MYT1: variants seen among roughly 807,000 people sequenced by gnomAD.
MYT1 encodes myelin transcription factor I.
A neutral mutation model predicts 123.0 loss-of-function variants in MYT1; 23 were observed. The observed-to-expected ratio is 0.19, with a 90% CI of 0.13 to 0.26. The LOEUF (loss-of-function observed/expected upper bound fraction) is 0.26. Among genes scored for constraint, MYT1 ranks in the 10% least tolerant of loss-of-function variants. MYT1 has a pLI of 1.00. For missense variants in MYT1, 1,125 were observed against 1,472.5 expected (o/e 0.76, Z 3.86); for synonymous variants, 518 against 575.3 (o/e 0.90, Z 1.43).
chr20:64,216,653 T>C (rs1983847355), intron 10 of MYT1, among the ~76,000 whole-genome samples: 1 of 152,220 alleles, frequency 6.6e-6, no homozygotes, highest in Non-Finnish European at 1.5e-5. Flanking sequence ...TAGGTTATGC[T>C]GCCTTGGAGT....
rs185945949 is a variant in MYT1 at position 64,193,000 on chromosome 20, T to A, written c.-1+2840T>A. 1.6e-3 allele frequency among the ~76,000 whole-genome samples: 245 copies of A among 152,316 alleles called. 1 individual carries two copies. The highest frequency in any genetic ancestry group is 5.8e-3 in the African/African-American group (242 of 41,572). On this transcript the variant is annotated intron_variant, in intron 2 of 22. Transcript: ENST00000328439. This position sits in a 1 kb window ranked among gnomAD's most constrained non-coding sequence, Gnocchi z 5.3. ...GGGAATGAAGTGAGCCAGTATCCCA[T>A]GCTTAGAGCTGTCAAGAGAACCCCT...
chr20:64,225,685 AG>A (rs1984150341), intron 16 of MYT1, among the ~76,000 whole-genome samples: 1 of 152,024 alleles, frequency 6.6e-6, no homozygotes, highest in Non-Finnish European at 1.5e-5. Context: ...AGGTGGTGGG[AG>A]GGGTGGATGT....
intron 1 of MYT1, among the ~76,000 whole-genome samples, chr20:64,177,774 G>C (rs562685144): frequency 6.6e-6 from 1 of 152,188 alleles, no homozygotes; most frequent in Non-Finnish European, 1.5e-5. Flanking sequence ...AGGGAGTCCT[G>C]TTCCACCTTC....
rs1982102810 is a variant in MYT1, at chr20:64,167,047, T to C, written c.-99+2308T>C. ...AATGTGCAGACAATGACATTTGTGG[T>C]GGTGTGGTGGGTAGAGGAGACCCAC... On this transcript the variant is annotated intron_variant, in intron 1 of 22. Transcript: ENST00000328439. The surrounding 1 kb of genome is among the most constrained non-coding windows in gnomAD (Gnocchi z 6.3). Among the ~76,000 whole-genome samples the C allele has an allele frequency of 6.6e-6, 1 of 152,042 alleles. No homozygotes were observed. Among genetic ancestry groups the C allele is most frequent in the Non-Finnish European group, 1.5e-5 (1 of 67,976 alleles).
At chr20:64,199,554 A>G (rs542917872) in intron 3 of MYT1, among the ~76,000 whole-genome samples, 16 of 152,296 alleles carry the variant, frequency 1.1e-4, no homozygotes, top group Admixed American at 1.0e-3. Context: ...TCTATCTGCA[A>G]TTAGAGAAAG....
chr20:64,239,075 C>G (rs1984636430), intron 21 of MYT1, among the ~76,000 whole-genome samples: 1 of 152,254 alleles, frequency 6.6e-6, no homozygotes, highest in African/African-American at 2.4e-5. Flanking sequence ...AGTTTAGCCT[C>G]TGCCCCCGTG....
In MYT1 at chr20:64,240,658, T is replaced by C. The variant is rs1270402574; in HGVS notation, c.*210T>C. The C allele has an allele frequency of 1.3e-5, 7 of 540,828 alleles. No individual in the cohort carries two copies. The highest frequency in any genetic ancestry group is 7.3e-5 in the Admixed American group (2 of 27,556). 33.5% of individuals were successfully genotyped at this position (540,828 alleles called of 1,614,324 possible). A position where few individuals can be genotyped will look rare whatever the true frequency, so the allele number is the denominator to read the frequency against. On this transcript the variant is annotated 3_prime_UTR_variant, in exon 23 of 23. Coordinates refer to ENST00000328439, the MANE Select transcript of MYT1 (RefSeq NM_004535.3). ...GCCGTGGTGGCCCTATCTGTGTGCA[T>C]AGGGGCACTGAAGAATTACAAAGTG... is the stretch of plus-strand genomic sequence containing the variant.
intron 18 of MYT1, among the ~76,000 whole-genome samples, chr20:64,228,656 C>T (rs1192778361): frequency 6.6e-6 from 1 of 152,164 alleles, no homozygotes; most frequent in Non-Finnish European, 1.5e-5. Flanking sequence ...TGTGTCCTTA[C>T]AAGCTTATTC....
chr20:64,230,587 C>T (rs1377322805), intron 18 of MYT1, among the ~76,000 whole-genome samples: 1 of 152,196 alleles, frequency 6.6e-6, no homozygotes, highest in Non-Finnish European at 1.5e-5. Context: ...AGCCACCCCC[C>T]ATTTGGCCAC....
Position 64,217,353 on chromosome 20 carries a change from G to A in MYT1, c.1846+72G>A. 4.6e-6 allele frequency: 7 copies of A among 1,519,094 alleles called. No homozygotes were observed. In the South Asian group the frequency reaches 6.8e-5, roughly 15 times the overall value. The allele number at this position is 1,519,094 out of a possible 1,614,324, so 94.1% of individuals were successfully genotyped here. A position where few individuals can be genotyped will look rare whatever the true frequency, so the allele number is the denominator to read the frequency against. On this transcript the variant is annotated intron_variant, in intron 11 of 22. Coordinates refer to ENST00000328439, the MANE Select transcript of MYT1 (RefSeq NM_004535.3). Reference sequence around the variant, plus strand: ...GGAGGGGCAGGATTCAAGGGGCAGTGGAGGAGGGACCCTCTCGAGGAGCTA... The same window carrying A: ...GGAGGGGCAGGATTCAAGGGGCAGTAGAGGAGGGACCCTCTCGAGGAGCTA...
Position 64,217,151 on chromosome 20 carries a change from C to A in MYT1, c.1716C>A (p.Asn572Lys). The part of the protein sequence containing the change: ...PNVAPATPRA[N>K]LAKELEKFSK... Reference sequence around the variant, plus strand: ...TGGCCCCCGCCACACCCAGGGCCAACTTGGCCAAGGAGCTGGAGAAGTTCT... The same window carrying A: ...TGGCCCCCGCCACACCCAGGGCCAAATTGGCCAAGGAGCTGGAGAAGTTCT... The change falls in exon 11 of 23, where the codon AAC (asparagine) becomes AAA (lysine). Residue 572 changes from asparagine to lysine, a missense_variant. Asn to Lys is a moderately conservative substitution (Grantham distance 94, BLOSUM62 0). Coordinates refer to ENST00000328439, the MANE Select transcript of MYT1 (RefSeq NM_004535.3). 1 of 1,614,254 alleles carries A rather than the reference C, an allele frequency of 6.2e-7. No homozygotes were observed. Among genetic ancestry groups the A allele is most frequent in the Non-Finnish European group, 8.5e-7 (1 of 1,180,048 alleles).
intron 2 of MYT1, 88 bp from the exon 3 acceptor site, chr20:64,198,774 C>A: frequency 6.9e-7 from 1 of 1,444,730 alleles, no homozygotes; most frequent in Non-Finnish European, 9.7e-7. Context: ...AAGCTTGAGC[C>A]AGAAAATGGC....
chr20:64,201,951 C>CGTGTTGGGAACCCCCGT (rs1983323934), intron 4 of MYT1, among the ~76,000 whole-genome samples: 1 of 113,962 alleles, frequency 8.8e-6, no homozygotes, highest in Non-Finnish European at 1.9e-5. Context: ...GGAACCTCTG[C>CGTGTTGGGAACCCCCGT]GTGTCGGGAA....
intron 18 of MYT1, among the ~76,000 whole-genome samples, chr20:64,228,996 T>C (rs1283247402): frequency 6.6e-6 from 1 of 152,186 alleles, no homozygotes; most frequent in African/African-American, 2.4e-5. Context: ...TGGCCTGAGA[T>C]TGGGTTGCTC....
chr20:64,202,087 T>C lies in MYT1; in HGVS notation c.86+2165T>C, dbSNP rs1222578566. Among the ~76,000 whole-genome samples, 2 of 143,208 alleles carry C rather than the reference T, an allele frequency of 1.4e-5. No individual in the cohort carries two copies. Among genetic ancestry groups the C allele is most frequent in the African/African-American group, 5.2e-5 (2 of 38,346 alleles). The allele number at this position is 143,208 out of a possible 152,430, so 94.0% of individuals were successfully genotyped here. A position where few individuals can be genotyped will look rare whatever the true frequency, so the allele number is the denominator to read the frequency against. On this transcript the variant is annotated intron_variant, in intron 4 of 22. Coordinates refer to ENST00000328439, the MANE Select transcript of MYT1 (RefSeq NM_004535.3). The surrounding 1 kb of genome is among the most constrained non-coding windows in gnomAD (Gnocchi z 5.0). ...GAACCCCTGTGTGCAGGACTTTCTC[T>C]GTGGATGACTTAACACTGCATTGGC...
rs1983368464 is a variant in MYT1 at position 64,202,927 on chromosome 20, T to G, written c.87-2108T>G. Among the ~76,000 whole-genome samples, 1 of 152,224 alleles carries G rather than the reference T, an allele frequency of 6.6e-6. No individual in the cohort carries two copies. Among genetic ancestry groups the G allele is most frequent in the African/African-American group, 2.4e-5 (1 of 41,464 alleles). ...CTTCCTCTCCCTACAACTCTGGCCCTGAGCACCCAGAGGACATCAGGAAAT... is the reference window on the plus strand; with the variant it reads ...CTTCCTCTCCCTACAACTCTGGCCCGGAGCACCCAGAGGACATCAGGAAAT... On this transcript the variant is annotated intron_variant, in intron 4 of 22. Coordinates refer to ENST00000328439, the MANE Select transcript of MYT1 (RefSeq NM_004535.3). The surrounding 1 kb of genome is among the most constrained non-coding windows in gnomAD (Gnocchi z 5.0).
chr20:64,206,433 T>C (rs938471574), intron 6 of MYT1, among the ~76,000 whole-genome samples: 12 of 152,148 alleles, frequency 7.9e-5, no homozygotes, highest in Non-Finnish European at 1.8e-4. Flanking sequence ...CAAAAGTGCA[T>C]GAAGCAGGTG....
chr20:64,225,627 C>T (rs1386979670), intron 16 of MYT1, among the ~76,000 whole-genome samples: 2 of 152,134 alleles, frequency 1.3e-5, no homozygotes, highest in Non-Finnish European at 2.9e-5. Flanking sequence ...GTAGAGGGTG[C>T]CCCTCAGACA....
chr20:64,165,134 G>C (rs1334195999), intron 1 of MYT1, among the ~76,000 whole-genome samples: 1 of 152,074 alleles, frequency 6.6e-6, no homozygotes, highest in Non-Finnish European at 1.5e-5. Context: ...CCTGGGGAGA[G>C]CACTGGCCGC....
Sources: allele counts gnomAD v4.1 joint callset (sites outside exome capture counted in the v4.1 genomes callset), GRCh38; gene constraint gnomAD v4.1.1; non-coding constraint Gnocchi (gnomAD v3.1); transcripts MANE v1.5; gene names NCBI Gene and HGNC (gene_info 2026-07-23, HGNC 2026-07-21).